The following UBASH3B variants were observed in gnomAD, a reference collection of about 807,000 sequenced individuals.
UBASH3B encodes the protein ubiquitin-associated and SH3 domain-containing protein B.
In UBASH3B, 37 loss-of-function variants were observed where a neutral mutation model predicts 83.4. The observed-to-expected ratio is 0.44, with a 90% CI of 0.34 to 0.58. UBASH3B has a LOEUF of 0.58. UBASH3B is among the 20% of genes least tolerant of loss of function. The probability of loss-of-function intolerance (pLI) is 0.01; values close to 1 mark genes in which losing one functional copy is unlikely to be tolerated. For synonymous variants in UBASH3B, 304 were observed against 318.3 expected, an observed-to-expected ratio of 0.96 and a Z score of 0.48; for missense variants, 657 against 827.2, an observed-to-expected ratio of 0.79 and a Z score of 2.52.
chr11:122,675,822 G>A (rs1863660906), intron 1 of UBASH3B, among the ~76,000 whole-genome samples: 1 of 152,184 alleles, frequency 6.6e-6, no homozygotes, highest in African/African-American at 2.4e-5. Flanking sequence ...CCAGTTTGCA[G>A]CGGACCATCT....
At chr11:122,733,176 G>T (rs2135954498) in intron 1 of UBASH3B, among the ~76,000 whole-genome samples, 1 of 152,222 alleles carries the variant, frequency 6.6e-6, no homozygotes, top group Middle Eastern at 3.4e-3. Context: ...TTCATACACA[G>T]CAGAGAATGT....
At chr11:122,794,403 C>T (rs545437382) in intron 6 of UBASH3B, among the ~76,000 whole-genome samples, 22 of 152,232 alleles carry the variant, frequency 1.4e-4, no homozygotes, top group Non-Finnish European at 2.2e-4. Context: ...GATGGGATTT[C>T]GCCACATTGG....
intron 1 of UBASH3B, among the ~76,000 whole-genome samples, chr11:122,775,447 C>A (rs1860715563): frequency 6.6e-6 from 1 of 152,160 alleles, no homozygotes; most frequent in African/African-American, 2.4e-5. Context: ...TCAAAGATGT[C>A]TGTAAAATAC....
chr11:122,767,047 A>G (rs1287687423), intron 1 of UBASH3B, among the ~76,000 whole-genome samples: 3 of 152,094 alleles, frequency 2.0e-5, no homozygotes, highest in African/African-American at 7.2e-5. Context: ...TGGGAAGCCG[A>G]GGTGGGCGGA....
intron 1 of UBASH3B, among the ~76,000 whole-genome samples, chr11:122,665,790 T>A (rs1464189610): frequency 6.6e-6 from 1 of 152,214 alleles, no homozygotes; most frequent in Non-Finnish European, 1.5e-5. Flanking sequence ...ATTTGTTTTC[T>A]TGCAAAATAC....
At position 122,809,832 on chromosome 11, in the gene UBASH3B, T is replaced by C; in HGVS notation, c.1896T>C (p.Leu632=). ...WQLTDPPILP[L]THGPTGGFNW... ...TGACAGATCCACCAATCCTTCCTCTTACCCATGGACCAACTGGGGGCTTCA... is the reference window on the plus strand; with the variant it reads ...TGACAGATCCACCAATCCTTCCTCTCACCCATGGACCAACTGGGGGCTTCA... The change falls in exon 14 of 14, where the codon CTT becomes CTC. Residue 632 remains leucine, a synonymous_variant. Coordinates refer to ENST00000284273, the MANE Select transcript of UBASH3B (RefSeq NM_032873.5). 6.2e-7 allele frequency: 1 copy of C among 1,614,160 alleles called. No individual in the cohort carries two copies. Among genetic ancestry groups the C allele is most frequent in the Non-Finnish European group, 8.5e-7 (1 of 1,180,012 alleles).
rs1384012522 is a variant in UBASH3B at position 122,810,692 on chromosome 11, C to A, written c.*806C>A. Reference sequence around the variant, plus strand: ...AAATATGAAGTGACTTGGAATTAACCATGTTGTAGCCTAACGTGCTACTGC... The same window carrying A: ...AAATATGAAGTGACTTGGAATTAACAATGTTGTAGCCTAACGTGCTACTGC... On this transcript the variant is annotated 3_prime_UTR_variant, in exon 14 of 14. Transcript: ENST00000284273. 6.6e-6 allele frequency: 1 copy of A among 152,514 alleles called. No homozygotes were observed. The highest frequency in any genetic ancestry group is 2.4e-5 in the African/African-American group (1 of 41,436). The allele number at this position is 152,514 out of a possible 1,614,324, so 9.4% of individuals were successfully genotyped here. A position where few individuals can be genotyped will look rare whatever the true frequency, so the allele number is the denominator to read the frequency against.
At chr11:122,787,917 C>A (rs765013035) in intron 5 of UBASH3B, among the ~76,000 whole-genome samples, 34 of 152,168 alleles carry the variant, frequency 2.2e-4, no homozygotes, top group Non-Finnish European at 4.3e-4. Context: ...GTCTTTGTGT[C>A]CCTTGTGAAA....
intron 1 of UBASH3B, among the ~76,000 whole-genome samples, chr11:122,713,205 C>T (rs1191981600): frequency 6.6e-6 from 1 of 152,134 alleles, no homozygotes; most frequent in Non-Finnish European, 1.5e-5. Flanking sequence ...CTGCACCCGG[C>T]CCAGTGTTCC....
Position 122,783,113 on chromosome 11 carries a change from C to G in UBASH3B, c.662C>G (p.Ala221Gly), listed in dbSNP as rs767504803. ...GTGACCCTGGCTTACCACTTCCAAG[C>G]CAGCCACCTACCCACCCTAGAGAAA... Reference protein sequence around the residue: ...LHVTLAYHFQASHLPTLEKLA... With the variant: ...LHVTLAYHFQGSHLPTLEKLA... Residue 221 changes from alanine (A) to glycine (G), a missense_variant, in exon 5 of 14, where the codon GCC becomes GGC. Physicochemically the swap from Ala to Gly is moderately conservative, Grantham distance 60. Transcript: ENST00000284273. The G allele has an allele frequency of 6.2e-7, 1 of 1,614,154 alleles. No homozygotes were observed. Among genetic ancestry groups the G allele is most frequent in the Non-Finnish European group, 8.5e-7 (1 of 1,180,006 alleles).
intron 1 of UBASH3B, among the ~76,000 whole-genome samples, chr11:122,710,565 T>G (rs753026973): frequency 2.6e-5 from 4 of 152,240 alleles, no homozygotes; most frequent in Non-Finnish European, 4.4e-5. Context: ...TCCATCCATC[T>G]GGTCGTGGTA....
At chr11:122,715,586 C>T (rs956700826) in intron 1 of UBASH3B, among the ~76,000 whole-genome samples, 7 of 152,194 alleles carry the variant, frequency 4.6e-5, no homozygotes, top group African/African-American at 1.2e-4. Flanking sequence ...AACACGGATC[C>T]GAAAGCCCAG....
chr11:122,662,415 G>A (rs1565520589), intron 1 of UBASH3B, among the ~76,000 whole-genome samples: 1 of 149,754 alleles, frequency 6.7e-6, no homozygotes, highest in Non-Finnish European at 1.5e-5. Context: ...GCCACCAGTC[G>A]CTTTTTCTTT....
At chr11:122,761,779 C>CTTTTTT (rs138806467) in intron 1 of UBASH3B, among the ~76,000 whole-genome samples, 11 of 65,408 alleles carry the variant, frequency 1.7e-4, no homozygotes, top group East Asian at 4.0e-4. Flanking sequence ...CTCCCAGATC[C>CTTTTTT]TTTTTTTTTT....
intron 11 of UBASH3B, among the ~76,000 whole-genome samples, chr11:122,802,181 G>A (rs1197424447): frequency 6.6e-6 from 1 of 152,002 alleles, no homozygotes; most frequent in Non-Finnish European, 1.5e-5. Context: ...TGGGCGTGGT[G>A]GCACACGCCT....
rs1269100624 is a variant in UBASH3B at position 122,721,385 on chromosome 11, A to T, written c.162-54834A>T. 2.7e-5 allele frequency among the ~76,000 whole-genome samples: 4 copies of T among 150,644 alleles called. No homozygotes were observed. The East Asian group carries it at 7.9e-4, about 30-fold the overall frequency. ...TTCCACAGCACTACGGGGGGGTGGG[A>T]GTGGGAATGTGGTGGCTGGGAGGAC... On this transcript the variant is annotated intron_variant, in intron 1 of 13. Coordinates refer to ENST00000284273, the MANE Select transcript of UBASH3B (RefSeq NM_032873.5).
intron 13 of UBASH3B, among the ~76,000 whole-genome samples, chr11:122,809,371 G>A (rs1017820093): frequency 2.0e-5 from 3 of 152,182 alleles, no homozygotes; most frequent in African/African-American, 4.8e-5. Flanking sequence ...CACTGTGCCC[G>A]GCCTTGAGCT....
intron 1 of UBASH3B, among the ~76,000 whole-genome samples, chr11:122,762,840 C>A (rs1860466984): frequency 6.6e-6 from 1 of 152,194 alleles, no homozygotes; most frequent in African/African-American, 2.4e-5. Context: ...CAAAATATTT[C>A]TATTAGCATG....
At chr11:122,752,343 A>G (rs2135968742) in intron 1 of UBASH3B, among the ~76,000 whole-genome samples, 1 of 152,344 alleles carries the variant, frequency 6.6e-6, no homozygotes, top group Admixed American at 6.5e-5. Flanking sequence ...ATGGGAGAAC[A>G]TGTTATAATG....
Sources: gnomAD v4.1 joint callset for allele counts (sites outside exome capture counted in the v4.1 genomes callset) on GRCh38, gnomAD v4.1.1 for gene constraint, MANE v1.5 for transcripts, NCBI Gene and HGNC (gene_info 2026-07-23, HGNC 2026-07-21) for gene names.